Variants in LMF1 observed in about 807,000 individuals in gnomAD.
LMF1 encodes the protein lipase maturation factor 1.
Under a neutral mutation model 60.6 loss-of-function variants are expected in LMF1, and 68 were observed. The ratio of observed to expected loss-of-function variants is 1.12; its 90% confidence interval spans 0.92 to 1.37. The LOEUF (loss-of-function observed/expected upper bound fraction) is 1.37, where lower values mean the gene tolerates loss of function less well. Among genes scored for constraint, LMF1 ranks in the 40% most tolerant of loss-of-function variants. LMF1 has a pLI of 0.00. For synonymous variants in LMF1, 418 were observed against 324.7 expected, an observed-to-expected ratio of 1.29 and a Z score of -3.09; for missense variants, 948 against 767.2, an observed-to-expected ratio of 1.24 and a Z score of -2.78.
Position 962,255 on chromosome 16 carries a change from G to A in LMF1, c.194-7589C>T, listed in dbSNP as rs1315752373. 2.6e-5 allele frequency among the ~76,000 whole-genome samples: 4 copies of A among 151,696 alleles called. No individual in the cohort carries two copies. Among genetic ancestry groups the A allele is most frequent in the Non-Finnish European group, 4.4e-5 (3 of 67,970 alleles). ...GATCACGACCCAGACACAGACTCAC[G>A]GTGACAGCACGGGATCACGACCCAG... is the stretch of plus-strand genomic sequence containing the variant. On this transcript the variant is annotated intron_variant, in intron 1 of 10. Coordinates refer to ENST00000262301, the MANE Select transcript of LMF1 (RefSeq NM_022773.4). This position sits in a 1 kb window ranked among gnomAD's most constrained non-coding sequence, Gnocchi z 4.5.
intron 1 of LMF1, among the ~76,000 whole-genome samples, chr16:967,462 A>G (rs1395115700): frequency 3.3e-5 from 5 of 152,192 alleles, no homozygotes; most frequent in African/African-American, 1.2e-4. Context: ...GCACACAGAC[A>G]GCAGCAGGCC....
intron 3 of LMF1, among the ~76,000 whole-genome samples, chr16:931,304 C>T (rs2071776272): frequency 6.6e-6 from 1 of 152,264 alleles, no homozygotes; most frequent in South Asian, 2.1e-4. Flanking sequence ...GCCTGGCCCA[C>T]CTAGAGCCGG....
intron 3 of LMF1, 170 bp from the exon 4 acceptor site, chr16:911,249 G>A (rs1354124679): frequency 3.7e-6 from 3 of 804,932 alleles, no homozygotes; most frequent in African/African-American, 1.7e-5. Context: ...GCAAGGTCAG[G>A]TCTGCAGGAG....
intron 6 of LMF1, among the ~76,000 whole-genome samples, chr16:875,095 T>A (rs117317616): frequency 0.031 from 4,636 of 151,998 alleles, 94 homozygotes; most frequent in Admixed American, 0.046. Flanking sequence ...CTGGACACAG[T>A]GTGGGGCTGG....
At chr16:946,498 G>A (rs572819205) in intron 2 of LMF1, among the ~76,000 whole-genome samples, 37 of 152,336 alleles carry the variant, frequency 2.4e-4, no homozygotes, top group African/African-American at 7.7e-4. Context: ...CAGGGTGTCC[G>A]CTAAGGCAAC....
chr16:973,542 G>A (rs1292066847), upstream of LMF1, among the ~76,000 whole-genome samples: 1 of 152,168 alleles, frequency 6.6e-6, no homozygotes, highest in Admixed American at 6.5e-5. Flanking sequence ...CTGGGGACGG[G>A]GAGTGGGGAG....
rs200343204 is a variant in LMF1 at position 870,071 on chromosome 16, C to T, written c.1233-5G>A. The T allele has an allele frequency of 2.7e-3, 4,351 of 1,604,664 alleles. 87 individuals are homozygous for T. In the South Asian group the frequency reaches 0.031, roughly 11 times the overall value. Reference sequence around the variant, plus strand: ...TCCGCCCGCTCCTTGGTGATGCTGCCGGGAGACCGAGGCAGGCCAGGCCCA... The same window carrying T: ...TCCGCCCGCTCCTTGGTGATGCTGCTGGGAGACCGAGGCAGGCCAGGCCCA... On this transcript the variant is annotated splice_region_variant and splice_polypyrimidine_tract_variant and intron_variant, in intron 8 of 10. Coordinates refer to ENST00000262301, the MANE Select transcript of LMF1 (RefSeq NM_022773.4).
intron 1 of LMF1, among the ~76,000 whole-genome samples, chr16:970,132 C>A (rs1433765776): frequency 6.6e-6 from 1 of 152,216 alleles, no homozygotes. Context: ...GGGAATCTTC[C>A]CGAACGCAGA....
chr16:860,200 G>C (rs1002735106), intron 10 of LMF1, among the ~76,000 whole-genome samples: 1 of 30,952 alleles, frequency 3.2e-5, no homozygotes, highest in Admixed American at 4.4e-4. Context: ...AATTATCTTT[G>C]TTCTCTTAAC....
At chr16:856,176 GGCACTGCCCACT>G (rs2069179386) in intron 10 of LMF1, 4 of 356,240 alleles carry the variant, frequency 1.1e-5, no homozygotes, top group South Asian at 4.2e-5. Context: ...ACTCCAGGAG[GGCACTGCCCACT>G]GCCCTGGGCC....
At chr16:932,289 G>C (rs1032437888) in intron 3 of LMF1, among the ~76,000 whole-genome samples, 8 of 152,232 alleles carry the variant, frequency 5.3e-5, no homozygotes, top group East Asian at 3.9e-4. Context: ...TGTGGCCCTG[G>C]TGCTGAGACA....
intron 1 of LMF1, among the ~76,000 whole-genome samples, chr16:978,868 G>A (rs1235739983): frequency 3.3e-5 from 5 of 152,296 alleles, no homozygotes; most frequent in Middle Eastern, 3.4e-3. Context: ...TCCATCTCTT[G>A]TCATCAGACA....
intron 6 of LMF1, 43 bp downstream of exon 6, chr16:879,527 G>A (rs910008336): frequency 1.9e-6 from 3 of 1,601,136 alleles, no homozygotes; most frequent in East Asian, 2.2e-5. Context: ...CGACGGGCCA[G>A]CGTCTCTGTG....
chr16:868,203 C>A (rs1376973237), intron 10 of LMF1, among the ~76,000 whole-genome samples: 1 of 152,052 alleles, frequency 6.6e-6, no homozygotes, highest in Non-Finnish European at 1.5e-5. Flanking sequence ...TCTGCCCCAC[C>A]CTGGGCCCCA....
chr16:880,199 T>A (rs938786040), intron 5 of LMF1, among the ~76,000 whole-genome samples: 1 of 152,058 alleles, frequency 6.6e-6, no homozygotes, highest in African/African-American at 2.4e-5. Flanking sequence ...GACGTGCCGG[T>A]TGGGGACCAG....
chr16:895,104 CG>C (rs1567199286), intron 4 of LMF1, among the ~76,000 whole-genome samples: 1 of 152,176 alleles, frequency 6.6e-6, no homozygotes, highest in African/African-American at 2.4e-5. Flanking sequence ...TCTGCCACGG[CG>C]CCAGTCGCGG....
At chr16:869,837 G>A (rs374763094) in intron 9 of LMF1, 46 bp downstream of exon 9, 6 of 1,578,778 alleles carry the variant, frequency 3.8e-6, no homozygotes, top group Non-Finnish European at 4.3e-6. Context: ...GCAGAAGAGG[G>A]TGGGGTACAG....
At chr16:898,617 T>C (rs149911561) in intron 4 of LMF1, among the ~76,000 whole-genome samples, 2 of 152,284 alleles carry the variant, frequency 1.3e-5, no homozygotes, top group African/African-American at 2.4e-5. Context: ...CCAGACACCA[T>C]GAAGACCCCA....
chr16:959,379 CG>C (rs1158877659), intron 1 of LMF1, among the ~76,000 whole-genome samples: 2 of 152,142 alleles, frequency 1.3e-5, no homozygotes, highest in Non-Finnish European at 2.9e-5. Context: ...ACCAGAGGGA[CG>C]GGAGACAGAC....
Sources: gnomAD v4.1 joint callset for allele counts (sites outside exome capture counted in the v4.1 genomes callset) on GRCh38, gnomAD v4.1.1 for gene constraint, Gnocchi (gnomAD v3.1) non-coding constraint, MANE v1.5 for transcripts, NCBI Gene and HGNC (gene_info 2026-07-23, HGNC 2026-07-21) for gene names.